The following LRRC8D variants were observed in gnomAD, a reference collection of about 807,000 sequenced individuals.
The protein encoded by LRRC8D is volume-regulated anion channel subunit LRRC8D.
A neutral mutation model predicts 55.8 loss-of-function variants in LRRC8D; 20 were observed. The ratio of observed to expected loss-of-function variants is 0.36; its 90% confidence interval spans 0.25 to 0.52. The LOEUF is 0.52. LRRC8D is among the 20% of genes least tolerant of loss of function. The probability of loss-of-function intolerance (pLI) is 0.93; values close to 1 mark genes in which losing one functional copy is unlikely to be tolerated. For missense variants in LRRC8D, 651 were observed against 1,030.8 expected, an observed-to-expected ratio of 0.63 and a Z score of 5.05; for synonymous variants, 352 against 377.0, an observed-to-expected ratio of 0.93 and a Z score of 0.77.
intron 2 of LRRC8D, among the ~76,000 whole-genome samples, chr1:89,904,506 A>G (rs1169512328): frequency 6.6e-6 from 1 of 152,242 alleles, no homozygotes; most frequent in Non-Finnish European, 1.5e-5. Context: ...GCAGGAATAC[A>G]GGAGGACAGG....
intron 2 of LRRC8D, among the ~76,000 whole-genome samples, chr1:89,844,725 A>G (rs1208635397): frequency 1.3e-5 from 2 of 152,176 alleles, no homozygotes; most frequent in Admixed American, 1.3e-4. Flanking sequence ...TGGCAGGTCC[A>G]ATCTTTCTCC....
At chr1:89,842,523 A>G (rs1055233344) in intron 1 of LRRC8D, among the ~76,000 whole-genome samples, 4 of 152,222 alleles carry the variant, frequency 2.6e-5, no homozygotes, top group Non-Finnish European at 5.9e-5. Flanking sequence ...TCATATGTAG[A>G]ATGATTATTG....
chr1:89,825,393 T>C (rs1660739308), intron 1 of LRRC8D, among the ~76,000 whole-genome samples: 1 of 152,254 alleles, frequency 6.6e-6, no homozygotes, highest in African/African-American at 2.4e-5. Context: ...TTCTGAAATC[T>C]GAATTCCTTC....
intron 2 of LRRC8D, among the ~76,000 whole-genome samples, chr1:89,905,588 T>C (rs1021520909): frequency 6.6e-6 from 1 of 152,222 alleles, no homozygotes; most frequent in Non-Finnish European, 1.5e-5. Flanking sequence ...GATTGCAAAA[T>C]ATCATCTTTA....
chr1:89,826,253 T>C (rs1207845055), intron 1 of LRRC8D, among the ~76,000 whole-genome samples: 2 of 149,478 alleles, frequency 1.3e-5, no homozygotes, highest in Non-Finnish European at 2.9e-5. Context: ...TAAATTTTAT[T>C]TTATTTTATT....
At chr1:89,859,654 A>G (rs1661649517) in intron 2 of LRRC8D, among the ~76,000 whole-genome samples, 1 of 152,218 alleles carries the variant, frequency 6.6e-6, no homozygotes. Flanking sequence ...TGTGAACCAT[A>G]ATAACTACTC....
intron 2 of LRRC8D, among the ~76,000 whole-genome samples, chr1:89,883,338 T>C (rs1247603985): frequency 1.3e-5 from 2 of 152,180 alleles, no homozygotes; most frequent in Non-Finnish European, 2.9e-5. Flanking sequence ...TTAGATCCAG[T>C]TGGATCAACT....
At chr1:89,904,045 A>C (rs1488882662) in intron 2 of LRRC8D, among the ~76,000 whole-genome samples, 1 of 152,084 alleles carries the variant, frequency 6.6e-6, no homozygotes, top group East Asian at 1.9e-4. Context: ...ACTTCCCCCT[A>C]CTCAGGATTC....
intron 2 of LRRC8D, among the ~76,000 whole-genome samples, chr1:89,872,748 C>T (rs1443166341): frequency 1.3e-5 from 2 of 152,160 alleles, no homozygotes; most frequent in Non-Finnish European, 2.9e-5. Context: ...CTTTGCCCCT[C>T]CCCTCTTAGA....
chr1:89,932,207 T>C (rs982290358), intron 2 of LRRC8D, among the ~76,000 whole-genome samples: 3 of 152,196 alleles, frequency 2.0e-5, no homozygotes, highest in Non-Finnish European at 1.5e-5. Context: ...GCTGCTCGGG[T>C]CACCTGCTTT....
chr1:89,860,511 G>A (rs1661674518), intron 2 of LRRC8D, among the ~76,000 whole-genome samples: 1 of 151,796 alleles, frequency 6.6e-6, no homozygotes, highest in South Asian at 2.1e-4. Flanking sequence ...TGTAATCCTA[G>A]CACTTTGTGA....
At chr1:89,860,910 T>A (rs751444983) in intron 2 of LRRC8D, among the ~76,000 whole-genome samples, 55 of 151,052 alleles carry the variant, frequency 3.6e-4, no homozygotes, top group Non-Finnish European at 5.3e-4. Context: ...AGGGCTGTTA[T>A]AGGAAACCTC....
intron 2 of LRRC8D, among the ~76,000 whole-genome samples, chr1:89,916,854 C>T (rs1300498864): frequency 1.3e-5 from 2 of 152,152 alleles, no homozygotes; most frequent in Non-Finnish European, 2.9e-5. Flanking sequence ...AGGGTAGGAA[C>T]ATTCAATGAG....
At chr1:89,846,104 G>A (rs1233448143) in intron 2 of LRRC8D, among the ~76,000 whole-genome samples, 1 of 152,026 alleles carries the variant, frequency 6.6e-6, no homozygotes, top group Non-Finnish European at 1.5e-5. Context: ...ATACCTATGT[G>A]TGTTCCTTGC....
chr1:89,846,015 A>G (rs988973853), intron 2 of LRRC8D, among the ~76,000 whole-genome samples: 15 of 152,150 alleles, frequency 9.9e-5, no homozygotes, highest in South Asian at 2.1e-4. Context: ...TCCTCACCCC[A>G]TGATCCACCC....
chr1:89,878,945 C>T (rs910310189), intron 2 of LRRC8D, among the ~76,000 whole-genome samples: 10 of 127,262 alleles, frequency 7.9e-5, no homozygotes, highest in African/African-American at 2.7e-4. Flanking sequence ...CTAGCCTGGG[C>T]AACAAGAGCG....
chr1:89,930,069 T>C (rs1663665310), intron 2 of LRRC8D, among the ~76,000 whole-genome samples: 1 of 152,192 alleles, frequency 6.6e-6, no homozygotes, highest in Non-Finnish European at 1.5e-5. Context: ...CCCAAAACCA[T>C]CTCTCCCCCC....
chr1:89,856,535 ATG>A (rs1176143739), intron 2 of LRRC8D, among the ~76,000 whole-genome samples: 2 of 152,224 alleles, frequency 1.3e-5, no homozygotes, highest in Non-Finnish European at 2.9e-5. Context: ...GTGTCAAATA[ATG>A]TGATTCTGTA....
rs1269135441 is a variant in LRRC8D, at chr1:89,897,977, G to C, written c.-2-35090G>C. ...TGATAATTGGAGGCCACCTCTCCTAGCACAGCAGATAACAGAAGGAATTCC... is the reference window on the plus strand; with the variant it reads ...TGATAATTGGAGGCCACCTCTCCTACCACAGCAGATAACAGAAGGAATTCC... On this transcript the variant is annotated intron_variant, in intron 2 of 2. Transcript: ENST00000337338. Among the ~76,000 whole-genome samples the C allele has an allele frequency of 2.6e-5, 4 of 152,120 alleles. No homozygotes were observed. The South Asian group carries it at 6.2e-4, about 24-fold the overall frequency.
Sources: allele counts gnomAD v4.1 joint callset (sites outside exome capture counted in the v4.1 genomes callset), GRCh38; gene constraint gnomAD v4.1.1; transcripts MANE v1.5; gene names NCBI Gene and HGNC (gene_info 2026-07-23, HGNC 2026-07-21).